Variants in FRMD4A observed in about 807,000 individuals in gnomAD.
The protein encoded by FRMD4A is FERM domain containing 4A, also known as FERM domain-containing protein 4A.
FRMD4A carries 29 observed loss-of-function variants against 129.1 expected under a neutral mutation model. The ratio of observed to expected loss-of-function variants is 0.22; its 90% CI spans 0.17 to 0.31. FRMD4A has a LOEUF of 0.31. Among genes scored for constraint, FRMD4A ranks in the 10% least tolerant of loss-of-function variants. FRMD4A has a pLI of 1.00. For missense variants in FRMD4A, 1,272 were observed against 1,375.8 expected (o/e 0.92, Z 1.19); for synonymous variants, 634 against 571.6 (o/e 1.11, Z -1.56).
chr10:14,093,937 G>A (rs1426312965), intron 2 of FRMD4A, among the ~76,000 whole-genome samples: 1 of 152,178 alleles, frequency 6.6e-6, no homozygotes, highest in Non-Finnish European at 1.5e-5. Context: ...AACCATAGCT[G>A]GGAAGAAGAT....
chr10:14,104,002 G>T (rs11258864), intron 2 of FRMD4A, among the ~76,000 whole-genome samples: 21,879 of 152,182 alleles, frequency 0.14, 3,310 homozygotes, highest in African/African-American at 0.38. Flanking sequence ...AAGGTACCAG[G>T]TCCTCCTTGC....
At chr10:14,179,861 C>T (rs1841854129) in intron 2 of FRMD4A, among the ~76,000 whole-genome samples, 1 of 152,068 alleles carries the variant, frequency 6.6e-6, no homozygotes, top group Non-Finnish European at 1.5e-5. Flanking sequence ...TGACAAAACC[C>T]CATCTCAACT....
chr10:13,836,615 G>A (rs1201742107), intron 3 of FRMD4A, among the ~76,000 whole-genome samples: 1 of 152,038 alleles, frequency 6.6e-6, no homozygotes, highest in Non-Finnish European at 1.5e-5. Flanking sequence ...TAATTACATC[G>A]GGTCCTTGTT....
intron 8 of FRMD4A, among the ~76,000 whole-genome samples, chr10:13,752,267 A>G (rs897204576): frequency 6.6e-6 from 1 of 152,206 alleles, no homozygotes; most frequent in Non-Finnish European, 1.5e-5. Flanking sequence ...TCACGAAACA[A>G]GGAAAGTTAG....
At chr10:14,017,693 G>A (rs1588784362) in intron 2 of FRMD4A, among the ~76,000 whole-genome samples, 2 of 152,182 alleles carry the variant, frequency 1.3e-5, no homozygotes, top group South Asian at 4.1e-4. Flanking sequence ...TTTCTTTAGG[G>A]CCATCAGATT....
chr10:13,967,827 C>T (rs1305403659), intron 2 of FRMD4A, among the ~76,000 whole-genome samples: 1 of 152,216 alleles, frequency 6.6e-6, no homozygotes, highest in Non-Finnish European at 1.5e-5. Context: ...AGGCAGATGG[C>T]GTGAGCCCAG....
At chr10:14,219,910 T>C (rs1843193204) in intron 2 of FRMD4A, among the ~76,000 whole-genome samples, 1 of 152,212 alleles carries the variant, frequency 6.6e-6, no homozygotes, top group Non-Finnish European at 1.5e-5. Context: ...TTGAGAGTGA[T>C]GAAAGTACAT....
In FRMD4A at chr10:14,149,100, C is replaced by T. The variant is rs190970035; in HGVS notation, c.45+180958G>A. 4.1e-3 allele frequency among the ~76,000 whole-genome samples: 631 copies of T among 152,268 alleles called. 3 individuals carry two copies. Among genetic ancestry groups the T allele is most frequent in the Non-Finnish European group, 6.8e-3 (460 of 68,018 alleles). ...ATCATGAATGAGCCAGATCCAAGTT[C>T]TTAAAACTTTCTGGGCTGTACCTAT... On this transcript the variant is annotated intron_variant, in intron 2 of 24. Coordinates refer to ENST00000357447, the MANE Select transcript of FRMD4A (RefSeq NM_018027.5).
At chr10:14,318,405 G>GA (rs1311178474) in intron 2 of FRMD4A, among the ~76,000 whole-genome samples, 8 of 150,494 alleles carry the variant, frequency 5.3e-5, no homozygotes, top group South Asian at 2.1e-4. Context: ...GCATGTAAAG[G>GA]AAAAAAACAT....
intron 2 of FRMD4A, among the ~76,000 whole-genome samples, chr10:14,121,460 T>C (rs759960095): frequency 6.6e-6 from 1 of 152,200 alleles, no homozygotes; most frequent in Non-Finnish European, 1.5e-5. Flanking sequence ...TTTGCATTTC[T>C]AACAAGCCAC....
rs143698200 is a variant in FRMD4A at position 14,223,460 on chromosome 10, G to A, written c.45+106598C>T. Among the ~76,000 whole-genome samples the A allele has an allele frequency of 9.7e-3, 1,477 of 152,244 alleles. 22 individuals carry two copies. The highest frequency in any genetic ancestry group is 0.033 in the African/African-American group (1,369 of 41,542). ...CTTGGCTCAAAAAGAGCCAAATAGG[G>A]GCTGGGTATGGTGACTCATACCTGT... On this transcript the variant is annotated intron_variant, in intron 2 of 24. Transcript: ENST00000357447.
At chr10:13,998,653 G>A (rs952428958) in intron 2 of FRMD4A, among the ~76,000 whole-genome samples, 1 of 152,090 alleles carries the variant, frequency 6.6e-6, no homozygotes, top group Admixed American at 6.5e-5. Flanking sequence ...TCAGGGGGCC[G>A]TTCTTGACTC....
intron 2 of FRMD4A, among the ~76,000 whole-genome samples, chr10:14,178,492 A>G (rs1841806774): frequency 6.6e-6 from 1 of 152,234 alleles, no homozygotes; most frequent in South Asian, 2.1e-4. Context: ...AGTCCTTTAA[A>G]TACTGATGAC....
chr10:14,116,592 G>T (rs1405287521), intron 2 of FRMD4A, among the ~76,000 whole-genome samples: 1 of 152,082 alleles, frequency 6.6e-6, no homozygotes, highest in East Asian at 1.9e-4. Flanking sequence ...AGGGTCTGGG[G>T]GCTAAAAGGA....
intron 6 of FRMD4A, among the ~76,000 whole-genome samples, chr10:13,768,097 T>TGTG (rs1221451875): frequency 2.0e-5 from 3 of 152,026 alleles, no homozygotes; most frequent in African/African-American, 7.2e-5. Flanking sequence ...TGTGTGTGTG[T>TGTG]GTGTGCGAAC....
chr10:14,064,838 A>C (rs559004521), intron 2 of FRMD4A, among the ~76,000 whole-genome samples: 37 of 152,256 alleles, frequency 2.4e-4, no homozygotes, highest in African/African-American at 8.9e-4. Flanking sequence ...TTGACCTCCC[A>C]AAGTGCTGGG....
intron 2 of FRMD4A, among the ~76,000 whole-genome samples, chr10:14,158,636 A>C (rs188606462): frequency 6.6e-6 from 1 of 151,486 alleles, no homozygotes; most frequent in Non-Finnish European, 1.5e-5. Context: ...AAAAAAAAAG[A>C]AAGAGGAGAA....
At chr10:13,804,148 C>T (rs769781713) in intron 4 of FRMD4A, among the ~76,000 whole-genome samples, 3 of 152,172 alleles carry the variant, frequency 2.0e-5, no homozygotes, top group Non-Finnish European at 4.4e-5. Context: ...CACCGAATGC[C>T]GCGTTCCCAG....
At chr10:14,011,958 G>A (rs920480814) in intron 2 of FRMD4A, among the ~76,000 whole-genome samples, 1 of 151,270 alleles carries the variant, frequency 6.6e-6, no homozygotes, top group African/African-American at 2.4e-5. Flanking sequence ...GTAGCGAGCT[G>A]AGATTGCACC....
Sources: allele counts gnomAD v4.1 joint callset (sites outside exome capture counted in the v4.1 genomes callset), GRCh38; gene constraint gnomAD v4.1.1; transcripts MANE v1.5; gene names NCBI Gene and HGNC (gene_info 2026-07-23, HGNC 2026-07-21).